Variants in FIG4 observed in about 807,000 individuals in gnomAD.
FIG4 encodes the protein polyphosphoinositide phosphatase.
FIG4 carries 112 observed loss-of-function variants against 118.6 expected under a neutral mutation model. The observed-to-expected ratio is 0.94, with a 90% CI of 0.81 to 1.11. The LOEUF is 1.11. FIG4 is among the 50% of genes least tolerant of loss of function. The probability of loss-of-function intolerance (pLI) is 0.00; values close to 1 mark genes in which losing one functional copy is unlikely to be tolerated. For synonymous variants in FIG4, 369 were observed against 381.2 expected, an observed-to-expected ratio of 0.97 and a Z score of 0.37; for missense variants, 969 against 1,111.7, an observed-to-expected ratio of 0.87 and a Z score of 1.83.
At chr6:109,742,855 C>T (rs939457787) in intron 8 of FIG4, among the ~76,000 whole-genome samples, 1 of 151,932 alleles carries the variant, frequency 6.6e-6, no homozygotes, top group Non-Finnish European at 1.5e-5. Flanking sequence ...TCCTATCTGA[C>T]TTGTATTATT....
At chr6:109,783,100 A>T (rs1366058765) in intron 16 of FIG4, among the ~76,000 whole-genome samples, 1 of 152,176 alleles carries the variant, frequency 6.6e-6, no homozygotes, top group East Asian at 1.9e-4. Flanking sequence ...AGAACAACAC[A>T]CACCAGGGCC....
At chr6:109,761,074 G>A (rs1403237170) in intron 11 of FIG4, among the ~76,000 whole-genome samples, 1 of 152,078 alleles carries the variant, frequency 6.6e-6, no homozygotes, top group Non-Finnish European at 1.5e-5. Context: ...TTTTTAAGAT[G>A]TTACTATATC....
chr6:109,821,261 A>T lies in FIG4; in HGVS notation c.2547-3827A>T, dbSNP rs567852961. On this transcript the variant is annotated intron_variant, in intron 22 of 22. Coordinates refer to ENST00000230124, the MANE Select transcript of FIG4 (RefSeq NM_014845.6). ...GAAACCTCAGAGAGCAAGCTGTGGC[A>T]GTTTTCAACACTTCACTGAAACAAC... is the stretch of plus-strand genomic sequence containing the variant. Among the ~76,000 whole-genome samples, 4 of 152,356 alleles carry T rather than the reference A, an allele frequency of 2.6e-5. No homozygotes were observed. In the South Asian group the frequency reaches 8.3e-4, roughly 32 times the overall value.
At position 109,785,030 on chromosome 6, in the gene FIG4, T is replaced by C; in HGVS notation, c.1948+2T>C. 3.2e-6 allele frequency: 5 copies of C among 1,554,436 alleles called. No individual in the cohort carries two copies. The highest frequency in any genetic ancestry group is 3.4e-4 in the Middle Eastern group (2 of 5,960). On this transcript the variant is annotated splice_donor_variant, in intron 17 of 22. Transcript: ENST00000230124. LOFTEE classifies it high-confidence loss of function. ...ATTTACCATTGCCCTATGATGAAGG[T>C]AGGTAACTGTTTGTGTTTTAGTTTT...
chr6:109,703,022 C>G (rs979324904), intron 1 of FIG4, among the ~76,000 whole-genome samples: 8 of 152,114 alleles, frequency 5.3e-5, no homozygotes, highest in African/African-American at 1.9e-4. Flanking sequence ...CCCATCACTT[C>G]CTGTTTCTTG....
At chr6:109,795,112 T>G (rs1216157229) in intron 21 of FIG4, among the ~76,000 whole-genome samples, 13 of 107,250 alleles carry the variant, frequency 1.2e-4, no homozygotes, top group Admixed American at 6.4e-4. Context: ...TTTTTTTTTT[T>G]TTTTTTTTTT....
chr6:109,713,520 G>A (rs1176759277), intron 1 of FIG4, among the ~76,000 whole-genome samples: 4 of 152,134 alleles, frequency 2.6e-5, no homozygotes, highest in Non-Finnish European at 4.4e-5. Flanking sequence ...GGATGAGGAC[G>A]GGGCAGGCTG....
At chr6:109,700,048 GA>G (rs781487617) in intron 1 of FIG4, among the ~76,000 whole-genome samples, 5 of 152,104 alleles carry the variant, frequency 3.3e-5, no homozygotes, top group Non-Finnish European at 5.9e-5. Context: ...CTGCTCTCAG[GA>G]CTGAATCACT....
intron 7 of FIG4, among the ~76,000 whole-genome samples, chr6:109,738,845 G>T (rs990627182): frequency 1.3e-5 from 2 of 152,094 alleles, no homozygotes; most frequent in African/African-American, 4.8e-5. Flanking sequence ...GAGAGAGAGA[G>T]ATCACAGCCT....
At chr6:109,778,214 A>G (rs1386605000) in intron 16 of FIG4, among the ~76,000 whole-genome samples, 1 of 151,416 alleles carries the variant, frequency 6.6e-6, no homozygotes, top group Non-Finnish European at 1.5e-5. Context: ...TAATCCCAAC[A>G]CTTTGGGAGG....
chr6:109,747,341 A>G (rs2128387770), intron 10 of FIG4, among the ~76,000 whole-genome samples: 1 of 152,242 alleles, frequency 6.6e-6, no homozygotes, highest in South Asian at 2.1e-4. Flanking sequence ...GCCCATTTAG[A>G]GTGGCTGAAT....
intron 1 of FIG4, among the ~76,000 whole-genome samples, chr6:109,697,559 G>T (rs1192257879): frequency 1.3e-5 from 2 of 152,150 alleles, no homozygotes; most frequent in Non-Finnish European, 2.9e-5. Flanking sequence ...CATCCAGAGA[G>T]AGTTATGCAA....
intron 1 of FIG4, among the ~76,000 whole-genome samples, chr6:109,694,292 A>G (rs1359736067): frequency 6.6e-6 from 1 of 152,176 alleles, no homozygotes; most frequent in Non-Finnish European, 1.5e-5. Flanking sequence ...CAATAACGGA[A>G]CACTAGGCAT....
Position 109,778,585 on chromosome 6 carries a change from G to GT in FIG4, c.1889+1534dup, listed in dbSNP as rs781381723. On this transcript the variant is annotated intron_variant, in intron 16 of 22. Transcript: ENST00000230124. ...AGTTGCAAGTACAGCTCTTGCAGTT[G>GT]TTTTTTTTTGTTTGTTTGTTTGTTT... Among the ~76,000 whole-genome samples, 357 of 151,010 alleles carry GT rather than the reference G, an allele frequency of 2.4e-3. 6 individuals are homozygous for GT. Among genetic ancestry groups the GT allele is most frequent in the East Asian group, 0.014 (71 of 5,128 alleles).
intron 1 of FIG4, among the ~76,000 whole-genome samples, chr6:109,703,624 C>A (rs1423299860): frequency 2.0e-5 from 3 of 152,194 alleles, no homozygotes; most frequent in Non-Finnish European, 4.4e-5. Context: ...GAGGTGTCCA[C>A]TCCTCCATCT....
intron 14 of FIG4, among the ~76,000 whole-genome samples, chr6:109,766,335 G>T (rs1347106520): frequency 1.3e-5 from 2 of 152,206 alleles, no homozygotes; most frequent in East Asian, 3.8e-4. Context: ...TGTTGCAGCA[G>T]CTCGAATGGA....
chr6:109,809,094 T>C (rs1403732592), intron 22 of FIG4, among the ~76,000 whole-genome samples: 1 of 152,220 alleles, frequency 6.6e-6, no homozygotes, highest in African/African-American at 2.4e-5. Flanking sequence ...TTTAAGAAAC[T>C]TGTCAAATTT....
At chr6:109,789,564 A>T (rs772457381) in intron 18 of FIG4, 30 bp from the exon 19 acceptor site, 6 of 1,482,102 alleles carry the variant, frequency 4.0e-6, no homozygotes, top group Non-Finnish European at 4.7e-6. Context: ...ACAGTAATTC[A>T]TATGTAATTG....
rs571649446 is a variant in FIG4 at position 109,795,095 on chromosome 6, G to GTTTTTTTTTTTTTTTT, written c.2460-1645_2460-1630dup. Among the ~76,000 whole-genome samples, 36 of 57,250 alleles carry GTTTTTTTTTTTTTTTT rather than the reference G, an allele frequency of 6.3e-4. 14 individuals carry two copies. The highest frequency in any genetic ancestry group is 1.0e-3 in the Non-Finnish European group (30 of 28,708). The allele number at this position is 57,250 out of a possible 152,430, so 37.6% of individuals were successfully genotyped here. On this transcript the variant is annotated intron_variant, in intron 21 of 22. Transcript: ENST00000230124. The stretch of plus-strand genomic sequence containing the variant: ...TCCTCAAAGCTTCATACACTTGCCA[G>GTTTTTTTTTTTTTTTT]TTTTTTTTTTTTTTTTTTTTTTTTT...
Sources: allele counts gnomAD v4.1 joint callset (sites outside exome capture counted in the v4.1 genomes callset), GRCh38; gene constraint gnomAD v4.1.1; transcripts MANE v1.5; gene names NCBI Gene and HGNC (gene_info 2026-07-23, HGNC 2026-07-21).